Variants in C2orf42 observed in about 807,000 individuals in gnomAD.
The protein encoded by C2orf42 is chromosome 2 open reading frame 42.
A neutral mutation model predicts 58.9 loss-of-function variants in C2orf42; 44 were observed. That is an observed-to-expected ratio of 0.75 (90% CI 0.59 to 0.96). C2orf42 has a LOEUF of 0.96. Ranked by LOEUF, C2orf42 falls within the 40% of genes least tolerant of loss-of-function variation. C2orf42 has a pLI of 0.00. For synonymous variants in C2orf42, 239 were observed against 265.4 expected, an observed-to-expected ratio of 0.90 and a Z score of 0.97; for missense variants, 630 against 699.2, an observed-to-expected ratio of 0.90 and a Z score of 1.12.
intron 5 of C2orf42, among the ~76,000 whole-genome samples, chr2:70,172,699 C>CCAA (rs944169609): frequency 2.0e-5 from 3 of 151,810 alleles, no homozygotes; most frequent in Admixed American, 2.0e-4. Context: ...AAAAATACCG[C>CCAA]CAACAACAAA....
intron 3 of C2orf42, among the ~76,000 whole-genome samples, chr2:70,180,607 CAAAA>C (rs59381817): frequency 3.5e-5 from 2 of 57,060 alleles, no homozygotes; most frequent in Non-Finnish European, 6.5e-5. Flanking sequence ...GATTCTGTCT[CAAAA>C]AAAAAAAAAA....
Position 70,175,701 on chromosome 2 carries a change from A to C in C2orf42, c.1011T>G (p.Pro337=), listed in dbSNP as rs1360970154. The C allele has an allele frequency of 1.1e-5, 17 of 1,612,424 alleles. No individual in the cohort carries two copies. The highest frequency in any genetic ancestry group is 1.4e-5 in the Non-Finnish European group (16 of 1,178,484). Residue 337 remains proline (P), a synonymous_variant, in exon 5 of 10, where the codon CCT becomes CCG. Coordinates refer to ENST00000264434, the MANE Select transcript of C2orf42 (RefSeq NM_017880.3). ...SNLRKSGLKK[P]VVASSLKRQA... ...GCCTTTTTAACGAGGAAGCAACCAC[A>C]GGCTTTTTCAGGCCACTTTTCCTTA...
intron 5 of C2orf42, among the ~76,000 whole-genome samples, chr2:70,171,609 C>G (rs528219253): frequency 2.3e-4 from 35 of 152,128 alleles, no homozygotes; most frequent in Non-Finnish European, 3.5e-4. Context: ...CTCCCGGGTT[C>G]AGGCGATTCT....
chr2:70,150,640 G>C, intron 9 of C2orf42, 76 bp from the exon 10 acceptor site: 1 of 1,036,788 alleles, frequency 9.6e-7, no homozygotes, highest in South Asian at 1.3e-5. Flanking sequence ...AAAAGTGTCC[G>C]GAATTGGAGC....
Position 70,176,029 on chromosome 2 carries a change from T to C in C2orf42, c.935-252A>G, listed in dbSNP as rs147849312. ...CTTATTGCTCCCACCTGTCAGACAA[T>C]TACGATGACTTTTCTAGTGAACTGT... On this transcript the variant is annotated intron_variant, in intron 4 of 9. Coordinates refer to ENST00000264434, the MANE Select transcript of C2orf42 (RefSeq NM_017880.3). 3.2e-3 allele frequency among the ~76,000 whole-genome samples: 482 copies of C among 152,314 alleles called. 2 individuals carry two copies. Among genetic ancestry groups the C allele is most frequent in the East Asian group, 0.02 (106 of 5,192 alleles).
At chr2:70,175,589 G>A (rs1674133426) in intron 5 of C2orf42, 84 bp downstream of exon 5, 2 of 828,472 alleles carry the variant, frequency 2.4e-6, no homozygotes, top group African/African-American at 3.3e-5. Flanking sequence ...CTCTTTGGGT[G>A]ACAATGTGCA....
intron 9 of C2orf42, among the ~76,000 whole-genome samples, chr2:70,156,282 C>G (rs72900666): frequency 0.015 from 2,308 of 151,982 alleles, 53 homozygotes; most frequent in African/African-American, 0.053. Flanking sequence ...GAGGATAGAC[C>G]ATTAAAATTA....
chr2:70,169,555 A>G lies in C2orf42; in HGVS notation c.1144+2T>C. On this transcript the variant is annotated splice_donor_variant, in intron 6 of 9. Coordinates refer to ENST00000264434, the MANE Select transcript of C2orf42 (RefSeq NM_017880.3). LOFTEE classifies it high-confidence loss of function. ...GAGCCCAGTTAGATGAACAATACTT[A>G]CCATCAAACTGATAGTGCATGGTTT... The G allele has an allele frequency of 1.4e-6, 2 of 1,466,924 alleles. No individual in the cohort carries two copies. Among genetic ancestry groups the G allele is most frequent in the Non-Finnish European group, 1.9e-6 (2 of 1,046,036 alleles). The allele number at this position is 1,466,924 out of a possible 1,614,324, so 90.9% of individuals were successfully genotyped here. A position where few individuals can be genotyped will look rare whatever the true frequency, so the allele number is the denominator to read the frequency against.
In C2orf42 at chr2:70,150,307, G is replaced by A; in HGVS notation, c.*49C>T. The A allele has an allele frequency of 6.6e-7, 1 of 1,509,136 alleles. No homozygotes were observed. Among genetic ancestry groups the A allele is most frequent in the South Asian group, 1.1e-5 (1 of 89,110 alleles). The allele number at this position is 1,509,136 out of a possible 1,614,324, so 93.5% of individuals were successfully genotyped here. ...TAACTAGCATTTAAAGTTGTCAAGG[G>A]GTGGGGATGTGCAAATTAAGCAGCA... On this transcript the variant is annotated 3_prime_UTR_variant, in exon 10 of 10. Coordinates refer to ENST00000264434, the MANE Select transcript of C2orf42 (RefSeq NM_017880.3).
intron 5 of C2orf42, among the ~76,000 whole-genome samples, chr2:70,170,267 T>C (rs1305976979): frequency 2.0e-5 from 3 of 148,490 alleles, no homozygotes; most frequent in Non-Finnish European, 4.4e-5. Context: ...TTTTTTTTTT[T>C]CTTCAGTCTC....
At chr2:70,174,971 C>T (rs1438663063) in intron 5 of C2orf42, among the ~76,000 whole-genome samples, 1 of 152,058 alleles carries the variant, frequency 6.6e-6, no homozygotes, top group African/African-American at 2.4e-5. Context: ...GTGCTCAGCC[C>T]CAACCCCCTC....
chr2:70,181,932 C>T lies in C2orf42; in HGVS notation c.54G>A (p.Gly18=). The T allele has an allele frequency of 1.2e-6, 2 of 1,613,840 alleles. No homozygotes were observed. The highest frequency in any genetic ancestry group is 1.1e-5 in the South Asian group (1 of 91,068). ...TTCTGATTCCCCTCAATGTGGCCTT[C>T]CCCAAATCAGATAAGAAAGCTGGGA... is the stretch of plus-strand genomic sequence containing the variant. ...TKVPAFLSDL[G]KATLRGIRKC... is the part of the protein sequence containing the mutation. The change falls in exon 3 of 10, where the codon GGG becomes GGA. Residue 18 remains glycine, a synonymous_variant. Transcript: ENST00000264434.
chr2:70,157,315 G>A (rs959011954), intron 9 of C2orf42, among the ~76,000 whole-genome samples: 3 of 151,898 alleles, frequency 2.0e-5, no homozygotes, highest in African/African-American at 2.4e-5. Flanking sequence ...TTAGCCGGGC[G>A]AGGTGGCGGG....
Position 70,177,260 on chromosome 2 carries a change from C to T in C2orf42, c.935-1483G>A, listed in dbSNP as rs114767398. Among the ~76,000 whole-genome samples the T allele has an allele frequency of 7.1e-3, 1,052 of 149,048 alleles. 13 individuals carry two copies. The highest frequency in any genetic ancestry group is 0.025 in the African/African-American group (1,009 of 40,324). On this transcript the variant is annotated intron_variant, in intron 4 of 9. Transcript: ENST00000264434. The stretch of plus-strand genomic sequence containing the variant: ...ACACTGCAGCCTGGGAAACAAGAGC[C>T]GAACTCCACCTCAAAAAAGAAAAAA...
chr2:70,166,727 C>T lies in C2orf42; in HGVS notation c.1145-1092G>A, dbSNP rs1338765218. 3.3e-5 allele frequency among the ~76,000 whole-genome samples: 5 copies of T among 151,976 alleles called. No homozygotes were observed. In the Admixed American group the frequency reaches 3.3e-4, roughly 10 times the overall value. On this transcript the variant is annotated intron_variant, in intron 6 of 9. Coordinates refer to ENST00000264434, the MANE Select transcript of C2orf42 (RefSeq NM_017880.3). The stretch of plus-strand genomic sequence containing the variant: ...ACAAACCAACACAGTAGACCCTTGT[C>T]ATCCACCAAGTATAACATTTCAAAT...
intron 5 of C2orf42, among the ~76,000 whole-genome samples, chr2:70,171,454 AATG>A (rs1171872436): frequency 6.6e-6 from 1 of 152,172 alleles, no homozygotes; most frequent in Non-Finnish European, 1.5e-5. Context: ...TGTGGGTTGC[AATG>A]ATAATACCTT....
chr2:70,157,923 G>A (rs537901783), intron 9 of C2orf42, among the ~76,000 whole-genome samples: 3 of 151,924 alleles, frequency 2.0e-5, no homozygotes, highest in Non-Finnish European at 4.4e-5. Context: ...AATTAAGGCC[G>A]GGCTTGGTGG....
chr2:70,172,399 C>T (rs562940281), intron 5 of C2orf42, among the ~76,000 whole-genome samples: 10 of 150,900 alleles, frequency 6.6e-5, no homozygotes, highest in South Asian at 2.1e-4. Context: ...ATCTTTATTC[C>T]GGGCACGGTG....
intron 6 of C2orf42, among the ~76,000 whole-genome samples, chr2:70,168,190 C>T (rs560105320): frequency 1.1e-4 from 17 of 150,706 alleles, no homozygotes; most frequent in African/African-American, 3.4e-4. Context: ...GCCAAGATCA[C>T]GCCACTGCAC....
Sources: gnomAD v4.1 joint callset for allele counts (sites outside exome capture counted in the v4.1 genomes callset) on GRCh38, gnomAD v4.1.1 for gene constraint, MANE v1.5 for transcripts, NCBI Gene and HGNC (gene_info 2026-07-23, HGNC 2026-07-21) for gene names.